The following ASAP1 variants were observed in gnomAD, a reference collection of about 807,000 sequenced individuals.
ASAP1 encodes the protein arf-GAP with SH3 domain, ANK repeat and PH domain-containing protein 1.
ASAP1 carries 43 observed loss-of-function variants against 145.2 expected under a neutral mutation model. That is an observed-to-expected ratio of 0.30 (90% CI 0.23 to 0.38). ASAP1 has a LOEUF of 0.38. Ranked by LOEUF, ASAP1 falls within the 10% of genes least tolerant of loss-of-function variation. ASAP1 has a pLI of 1.00. For missense variants in ASAP1, 1,018 were observed against 1,355.3 expected (o/e 0.75, Z 3.91); for synonymous variants, 546 against 515.5 (o/e 1.06, Z -0.80).
At chr8:130,390,935 C>A (rs935119120) in intron 2 of ASAP1, among the ~76,000 whole-genome samples, 10 of 142,708 alleles carry the variant, frequency 7.0e-5, no homozygotes, top group Non-Finnish European at 6.1e-5. Context: ...GGTATATATC[C>A]CCCGCCCCCC....
chr8:130,277,557 A>G (rs1820987804), intron 3 of ASAP1, among the ~76,000 whole-genome samples: 1 of 152,232 alleles, frequency 6.6e-6, no homozygotes, highest in Admixed American at 6.5e-5. Context: ...AGACAAGCAC[A>G]AAGTGACACA....
intron 5 of ASAP1, among the ~76,000 whole-genome samples, chr8:130,193,136 A>C (rs529362919): frequency 3.3e-5 from 5 of 152,314 alleles, no homozygotes; most frequent in Non-Finnish European, 7.4e-5. Context: ...TGGGAGGCCG[A>C]GGCGGGCGAA....
intron 3 of ASAP1, among the ~76,000 whole-genome samples, chr8:130,262,451 A>G (rs1024699791): frequency 2.0e-5 from 2 of 100,864 alleles, no homozygotes; most frequent in Non-Finnish European, 4.2e-5. Flanking sequence ...AGAGAGAGAG[A>G]GAGAGAACCT....
intron 3 of ASAP1, among the ~76,000 whole-genome samples, chr8:130,294,540 A>C (rs1176759465): frequency 6.6e-6 from 1 of 152,260 alleles, no homozygotes; most frequent in Non-Finnish European, 1.5e-5. Flanking sequence ...GGGGACAGCA[A>C]TAGCACCTTC....
rs1474852750 is a variant in ASAP1, at chr8:130,112,332, G to A, written c.2173-10C>T. The stretch of plus-strand genomic sequence containing the variant: ...TCTTGATAGGGCTTGGCTGGCAGAT[G>A]AAATAAGAAGGTGAGATAATAATCA... On this transcript the variant is annotated splice_polypyrimidine_tract_variant and intron_variant, in intron 23 of 29. Coordinates refer to ENST00000518721, the MANE Select transcript of ASAP1 (RefSeq NM_018482.4). 1 of 1,610,890 alleles carries A rather than the reference G, an allele frequency of 6.2e-7. No homozygotes were observed. The highest frequency in any genetic ancestry group is 2.2e-5 in the East Asian group (1 of 44,846).
chr8:130,310,545 GA>G (rs1823279650), intron 3 of ASAP1, among the ~76,000 whole-genome samples: 1 of 152,122 alleles, frequency 6.6e-6, no homozygotes, highest in Non-Finnish European at 1.5e-5. Flanking sequence ...ATAGTAACTA[GA>G]CAGAAGGCTC....
At chr8:130,392,975 G>T (rs146453683) in intron 2 of ASAP1, among the ~76,000 whole-genome samples, 1 of 152,052 alleles carries the variant, frequency 6.6e-6, no homozygotes, top group Admixed American at 6.5e-5. Context: ...TCCAAACCAT[G>T]GCACCGAGGC....
At chr8:130,357,936 C>A in intron 3 of ASAP1, 81 bp downstream of exon 3, 1 of 1,505,012 alleles carries the variant, frequency 6.6e-7, no homozygotes, top group Non-Finnish European at 8.9e-7. Flanking sequence ...GCGTCCCCTT[C>A]CTCCCAGCTC....
intron 2 of ASAP1, among the ~76,000 whole-genome samples, chr8:130,388,272 C>A (rs889031460): frequency 6.6e-6 from 1 of 152,128 alleles, no homozygotes; most frequent in Non-Finnish European, 1.5e-5. Context: ...TAGGCAGGGG[C>A]TAGATCATGC....
chr8:130,433,448 G>T (rs1406221372), intron 1 of ASAP1, among the ~76,000 whole-genome samples: 1 of 152,190 alleles, frequency 6.6e-6, no homozygotes, highest in Admixed American at 6.5e-5. Context: ...ACCCCACTGG[G>T]AGGACTCTCT....
intron 2 of ASAP1, among the ~76,000 whole-genome samples, chr8:130,363,335 G>A (rs1826802906): frequency 6.6e-6 from 1 of 151,960 alleles, no homozygotes; most frequent in African/African-American, 2.4e-5. Flanking sequence ...AGAGCAGTCT[G>A]GACAACATGG....
At chr8:130,090,705 T>C (rs1466274244) in intron 25 of ASAP1, among the ~76,000 whole-genome samples, 2 of 152,176 alleles carry the variant, frequency 1.3e-5, no homozygotes, top group Non-Finnish European at 2.9e-5. Flanking sequence ...CACGAGCATA[T>C]GGACTGAGAA....
chr8:130,185,311 C>A (rs965294940), intron 7 of ASAP1, among the ~76,000 whole-genome samples: 3 of 152,196 alleles, frequency 2.0e-5, no homozygotes, highest in Non-Finnish European at 4.4e-5. Flanking sequence ...CTGAATAATT[C>A]TTTTATTTCT....
chr8:130,072,020 T>C (rs898987899), intron 27 of ASAP1, among the ~76,000 whole-genome samples: 1 of 152,156 alleles, frequency 6.6e-6, no homozygotes, highest in Non-Finnish European at 1.5e-5. Context: ...CTTGCCCTCT[T>C]ATTACCTATC....
intron 25 of ASAP1, among the ~76,000 whole-genome samples, chr8:130,088,152 A>C (rs4733765): frequency 0.29 from 44,315 of 152,018 alleles, 9,862 homozygotes; most frequent in African/African-American, 0.63. Context: ...TTTTTTGAGA[A>C]GGAGTTTCGC....
intron 5 of ASAP1, among the ~76,000 whole-genome samples, chr8:130,200,303 T>A (rs886764969): frequency 7.9e-5 from 12 of 152,194 alleles, no homozygotes; most frequent in Non-Finnish European, 1.6e-4. Context: ...AAGATGGGCA[T>A]TCTATACAGT....
chr8:130,394,148 C>A (rs761799715), intron 2 of ASAP1, among the ~76,000 whole-genome samples: 5 of 152,174 alleles, frequency 3.3e-5, no homozygotes, highest in South Asian at 2.1e-4. Flanking sequence ...GTTCAGGGAA[C>A]AAGAGAGATA....
intron 3 of ASAP1, among the ~76,000 whole-genome samples, chr8:130,294,809 C>T (rs1822161801): frequency 6.6e-6 from 1 of 152,158 alleles, no homozygotes. Context: ...AGGCAAATTA[C>T]AAATGACTCT....
intron 3 of ASAP1, among the ~76,000 whole-genome samples, chr8:130,318,283 T>A (rs1340446500): frequency 6.6e-6 from 1 of 152,098 alleles, no homozygotes. Context: ...GGTTTCACTA[T>A]GTTGCCCAGG....
Sources: gnomAD v4.1 joint callset for allele counts (sites outside exome capture counted in the v4.1 genomes callset) on GRCh38, gnomAD v4.1.1 for gene constraint, MANE v1.5 for transcripts, NCBI Gene and HGNC (gene_info 2026-07-23, HGNC 2026-07-21) for gene names.